Variants in RASA2 observed in about 807,000 individuals in gnomAD.
The protein encoded by RASA2 is ras GTPase-activating protein 2.
Under a neutral mutation model 118.2 loss-of-function variants are expected in RASA2, and 155 were observed. That is an observed-to-expected ratio of 1.31 (90% CI 1.15 to 1.50). RASA2 has a LOEUF of 1.50. RASA2 is among the 40% of genes most tolerant of loss of function. The probability of loss-of-function intolerance (pLI) is 0.00; values close to 1 mark genes in which losing one functional copy is unlikely to be tolerated. For synonymous variants in RASA2, 353 were observed against 349.1 expected, an observed-to-expected ratio of 1.01 and a Z score of -0.12; for missense variants, 1,016 against 1,009.6, an observed-to-expected ratio of 1.01 and a Z score of -0.09.
chr3:141,610,571 A>C (rs1294172647), intron 23 of RASA2, among the ~76,000 whole-genome samples: 1 of 147,750 alleles, frequency 6.8e-6, no homozygotes, highest in Non-Finnish European at 1.5e-5. Flanking sequence ...ATTCACTGTA[A>C]CCTCCAACTC....
At chr3:141,514,276 AT>A (rs2081992593) in intron 2 of RASA2, among the ~76,000 whole-genome samples, 1 of 152,208 alleles carries the variant, frequency 6.6e-6, no homozygotes, top group Admixed American at 6.5e-5. Flanking sequence ...CAGAAAAGAT[AT>A]GGCCAAGAGC....
chr3:141,517,286 C>T (rs931945451), intron 3 of RASA2, among the ~76,000 whole-genome samples: 1 of 152,186 alleles, frequency 6.6e-6, no homozygotes, highest in African/African-American at 2.4e-5. Flanking sequence ...AGTCCATTCT[C>T]ACACTGCCAT....
intron 14 of RASA2, among the ~76,000 whole-genome samples, chr3:141,576,590 T>TG (rs1436300649): frequency 4.6e-5 from 7 of 152,194 alleles, no homozygotes; most frequent in African/African-American, 1.2e-4. Flanking sequence ...TCAAGATTTT[T>TG]GGGGGGGATA....
chr3:141,610,424 A>G (rs2083627221), intron 23 of RASA2, among the ~76,000 whole-genome samples: 1 of 105,736 alleles, frequency 9.5e-6, no homozygotes. Context: ...ATATTTATAT[A>G]TTATATATTT....
chr3:141,563,388 A>G (rs2082767264), intron 9 of RASA2, among the ~76,000 whole-genome samples: 1 of 152,208 alleles, frequency 6.6e-6, no homozygotes, highest in East Asian at 1.9e-4. Context: ...TAATTCATAC[A>G]GAATTATTTA....
At chr3:141,589,749 G>A (rs1457051159) in intron 19 of RASA2, among the ~76,000 whole-genome samples, 8 of 151,994 alleles carry the variant, frequency 5.3e-5, no homozygotes, top group Admixed American at 4.6e-4. Flanking sequence ...GCTGAGGCAG[G>A]AGAATTGCTT....
chr3:141,605,305 G>A (rs1180926715), intron 19 of RASA2, among the ~76,000 whole-genome samples: 2 of 152,062 alleles, frequency 1.3e-5, no homozygotes, highest in African/African-American at 4.8e-5. Flanking sequence ...ATCCACGATG[G>A]TACTTAACTA....
chr3:141,529,232 T>C (rs905815670), intron 3 of RASA2, among the ~76,000 whole-genome samples: 1 of 152,104 alleles, frequency 6.6e-6, no homozygotes, highest in African/African-American at 2.4e-5. Context: ...CAGTTTTCAC[T>C]GTTGTTAATG....
chr3:141,508,847 C>T (rs889584185), intron 1 of RASA2, among the ~76,000 whole-genome samples: 16 of 151,404 alleles, frequency 1.1e-4, no homozygotes, highest in African/African-American at 3.9e-4. Context: ...GGCGCATGCT[C>T]ATTTATATAC....
intron 1 of RASA2, among the ~76,000 whole-genome samples, chr3:141,490,458 A>T (rs960054888): frequency 2.0e-5 from 3 of 151,996 alleles, no homozygotes; most frequent in African/African-American, 4.8e-5. Flanking sequence ...GCACTTGTTA[A>T]GTTTCCTCTT....
At position 141,559,885 on chromosome 3, in the gene RASA2, A is replaced by G. The variant is rs747340210; in HGVS notation, c.762-9A>G. Reference sequence around the variant, plus strand: ...TTTGCAAAACATAAAGCCAGTTTTCAATTTTCAGGATCGACTTGTGGAACA... The same window carrying G: ...TTTGCAAAACATAAAGCCAGTTTTCGATTTTCAGGATCGACTTGTGGAACA... On this transcript the variant is annotated splice_polypyrimidine_tract_variant and intron_variant, in intron 8 of 23. Transcript: ENST00000286364. The G allele has an allele frequency of 5.6e-6, 9 of 1,611,228 alleles. No individual in the cohort carries two copies. The African/African-American group carries it at 1.2e-4, about 22-fold the overall frequency.
chr3:141,558,704 C>T (rs1045336902), intron 7 of RASA2, among the ~76,000 whole-genome samples, 182 bp from the exon 8 acceptor site: 1 of 151,664 alleles, frequency 6.6e-6, no homozygotes, highest in South Asian at 2.1e-4. Context: ...TTTTTTTACA[C>T]TACCTTATTC....
chr3:141,567,694 CAGTG>C (rs1200831942), intron 9 of RASA2, among the ~76,000 whole-genome samples: 1 of 151,990 alleles, frequency 6.6e-6, no homozygotes, highest in Non-Finnish European at 1.5e-5. Context: ...ACCATAGAGG[CAGTG>C]AGTAAGAGAG....
chr3:141,549,681 T>C (rs2082543958), intron 5 of RASA2, among the ~76,000 whole-genome samples: 1 of 152,190 alleles, frequency 6.6e-6, no homozygotes. Flanking sequence ...TTAATTTTAA[T>C]TAAATGTAAA....
intron 4 of RASA2, among the ~76,000 whole-genome samples, chr3:141,536,139 C>G (rs2082322105): frequency 6.6e-6 from 1 of 152,030 alleles, no homozygotes; most frequent in Non-Finnish European, 1.5e-5. Context: ...AAGACATATC[C>G]AAGACTGGAA....
At chr3:141,539,593 G>C (rs955895580) in intron 4 of RASA2, among the ~76,000 whole-genome samples, 2 of 152,138 alleles carry the variant, frequency 1.3e-5, no homozygotes, top group Non-Finnish European at 2.9e-5. Flanking sequence ...AATCACTCAC[G>C]TCATCAGTCC....
At chr3:141,570,843 A>T in intron 9 of RASA2, 69 bp from the exon 10 acceptor site, 1 of 1,441,406 alleles carries the variant, frequency 6.9e-7, no homozygotes, top group Non-Finnish European at 9.4e-7. Context: ...TTTATAACTT[A>T]ACTCTTAACT....
chr3:141,512,060 G>A, intron 1 of RASA2, 103 bp from the exon 2 acceptor site: 1 of 601,680 alleles, frequency 1.7e-6, no homozygotes, highest in Non-Finnish European at 2.7e-6. Flanking sequence ...TTTTTTTTCT[G>A]TGCCACATTA....
intron 5 of RASA2, among the ~76,000 whole-genome samples, chr3:141,543,827 T>C (rs1330431679): frequency 1.3e-5 from 2 of 151,870 alleles, no homozygotes; most frequent in Non-Finnish European, 2.9e-5. Flanking sequence ...TTTAAGGTTG[T>C]TCTTTGCCTT....
Sources: gnomAD v4.1 joint callset for allele counts (sites outside exome capture counted in the v4.1 genomes callset) on GRCh38, gnomAD v4.1.1 for gene constraint, MANE v1.5 for transcripts, NCBI Gene and HGNC (gene_info 2026-07-23, HGNC 2026-07-21) for gene names.